HDAC4: variants seen among roughly 807,000 people sequenced by gnomAD.
The protein encoded by HDAC4 is histone deacetylase 4, also known as histone deacetylase A.
Under a neutral mutation model 135.1 loss-of-function variants are expected in HDAC4, and 16 were observed. The observed-to-expected ratio is 0.12, with a 90% confidence interval of 0.08 to 0.18. HDAC4 has a LOEUF of 0.18. Ranked by LOEUF, HDAC4 falls within the 10% of genes least tolerant of loss-of-function variation. HDAC4 has a pLI of 1.00. For synonymous variants in HDAC4, 685 were observed against 653.4 expected, an observed-to-expected ratio of 1.05 and a Z score of -0.74; for missense variants, 1,143 against 1,511.8, an observed-to-expected ratio of 0.76 and a Z score of 4.05.
At chr2:239,276,279 G>A (rs2050359000) in intron 2 of HDAC4, among the ~76,000 whole-genome samples, 1 of 152,232 alleles carries the variant, frequency 6.6e-6, no homozygotes, top group Non-Finnish European at 1.5e-5. Context: ...AGTATGCCTT[G>A]GAAGTGTTGA....
At chr2:239,066,957 G>A in intron 23 of HDAC4, 102 bp from the exon 24 acceptor site, 1 of 1,443,602 alleles carries the variant, frequency 6.9e-7, no homozygotes, top group Non-Finnish European at 9.5e-7. Flanking sequence ...TGGGGGCTGG[G>A]GTGTCGAGAC....
intron 1 of HDAC4, among the ~76,000 whole-genome samples, chr2:239,385,151 T>C (rs1235628614): frequency 6.6e-6 from 1 of 152,186 alleles, no homozygotes; most frequent in Non-Finnish European, 1.5e-5. Flanking sequence ...CGGAGGCCCA[T>C]AGCCCCTGAC....
chr2:239,137,037 G>GTTA (rs57798634), intron 9 of HDAC4, among the ~76,000 whole-genome samples: 17,838 of 152,112 alleles, frequency 0.12, 3,449 homozygotes, highest in African/African-American at 0.4. Context: ...AAATGCTTGT[G>GTTA]TTATCATTTG....
intron 1 of HDAC4, among the ~76,000 whole-genome samples, chr2:239,358,103 C>G (rs1693628386): frequency 6.6e-6 from 1 of 152,166 alleles, no homozygotes; most frequent in South Asian, 2.1e-4. Flanking sequence ...CTGAATCCAT[C>G]AGAGCAGCCG....
At chr2:239,328,673 G>A (rs1553608283) in intron 2 of HDAC4, among the ~76,000 whole-genome samples, 1 of 152,226 alleles carries the variant, frequency 6.6e-6, no homozygotes, top group East Asian at 1.9e-4. Context: ...CCCCCAGCGA[G>A]CACAGCACAC....
intron 2 of HDAC4, among the ~76,000 whole-genome samples, chr2:239,263,315 G>A (rs1440162031): frequency 9.7e-6 from 1 of 102,602 alleles, no homozygotes; most frequent in Non-Finnish European, 1.9e-5. Context: ...AGCCCACCCT[G>A]AGGACCCCCG....
intron 7 of HDAC4, among the ~76,000 whole-genome samples, chr2:239,145,912 G>A (rs1021537969): frequency 6.6e-5 from 10 of 152,192 alleles, no homozygotes; most frequent in Non-Finnish European, 1.5e-4. Flanking sequence ...AAAAGGCTTC[G>A]AGTCAGGGAC....
intron 11 of HDAC4, among the ~76,000 whole-genome samples, chr2:239,128,167 G>A (rs2040323912): frequency 6.6e-6 from 1 of 152,090 alleles, no homozygotes; most frequent in Non-Finnish European, 1.5e-5. Context: ...TCAATGCTTG[G>A]CTATTAAATT....
chr2:239,139,878 C>G lies in HDAC4; in HGVS notation c.866-82G>C. The G allele has an allele frequency of 8.8e-7, 1 of 1,132,642 alleles. No individual in the cohort carries two copies. Among genetic ancestry groups the G allele is most frequent in the Admixed American group, 1.7e-5 (1 of 57,654 alleles). 70.2% of individuals were successfully genotyped at this position (1,132,642 alleles called of 1,614,324 possible). ...TGACCTGTGGCCCGAATGCCCGGTG[C>G]CTTCCACGGACCTGCTCGTTAGCTT... On this transcript the variant is annotated intron_variant, in intron 8 of 26. Coordinates refer to ENST00000543185, the MANE Select transcript of HDAC4 (RefSeq NM_001378414.1). The surrounding 1 kb of genome is among the most constrained non-coding windows in gnomAD (Gnocchi z 5.3).
At chr2:239,394,861 C>T (rs1331123023) in intron 1 of HDAC4, among the ~76,000 whole-genome samples, 2 of 152,248 alleles carry the variant, frequency 1.3e-5, no homozygotes, top group African/African-American at 2.4e-5. Flanking sequence ...GCACAGGGTA[C>T]AGAGCAGGCA....
chr2:239,155,997 TGCC>T (rs1459268740), intron 7 of HDAC4, among the ~76,000 whole-genome samples: 1 of 152,200 alleles, frequency 6.6e-6, no homozygotes, highest in African/African-American at 2.4e-5. Context: ...CTAAAGCCAC[TGCC>T]GTGGCCCCTG....
chr2:239,386,741 C>T (rs745774299), intron 1 of HDAC4, among the ~76,000 whole-genome samples: 6 of 152,212 alleles, frequency 3.9e-5, no homozygotes, highest in African/African-American at 9.7e-5. Context: ...GACACAGTAC[C>T]GAGAACTTCT....
chr2:239,260,999 C>G (rs1351528103), intron 2 of HDAC4, among the ~76,000 whole-genome samples: 1 of 152,158 alleles, frequency 6.6e-6, no homozygotes, highest in Non-Finnish European at 1.5e-5. Flanking sequence ...GCTGGAGCGG[C>G]AGTCTCCGCT....
At chr2:239,157,250 G>T (rs776444498) in intron 6 of HDAC4, among the ~76,000 whole-genome samples, 4 of 152,244 alleles carry the variant, frequency 2.6e-5, no homozygotes. Context: ...TGATGTGTGG[G>T]ACTCTCTCTG....
At chr2:239,312,853 G>C (rs1347142464) in intron 2 of HDAC4, among the ~76,000 whole-genome samples, 1 of 152,214 alleles carries the variant, frequency 6.6e-6, no homozygotes, top group African/African-American at 2.4e-5. Flanking sequence ...ACTGTGGGTA[G>C]GCCACGTTCC....
chr2:239,192,871 G>A (rs761447087), intron 3 of HDAC4, among the ~76,000 whole-genome samples: 7 of 152,210 alleles, frequency 4.6e-5, no homozygotes, highest in Non-Finnish European at 8.8e-5. Flanking sequence ...TAATGTAGAA[G>A]AACAAAGTTG....
At chr2:239,195,173 T>C (rs911952033) in intron 3 of HDAC4, among the ~76,000 whole-genome samples, 8 of 152,190 alleles carry the variant, frequency 5.3e-5, no homozygotes, top group Non-Finnish European at 1.2e-4. Context: ...TTTTCACTCA[T>C]TGTGGGGAAG....
chr2:239,262,780 C>A lies in HDAC4; in HGVS notation c.23-26116G>T, dbSNP rs1190023580. On this transcript the variant is annotated intron_variant, in intron 2 of 26. Coordinates refer to ENST00000543185, the MANE Select transcript of HDAC4 (RefSeq NM_001378414.1). The surrounding 1 kb of genome is among the most constrained non-coding windows in gnomAD (Gnocchi z 4.1). Reference sequence around the variant, plus strand: ...CAGCCCAAGAACACAGACGAGGAGGCCTGTGCTCAGGCACTAAGGACACGG... The same window carrying A: ...CAGCCCAAGAACACAGACGAGGAGGACTGTGCTCAGGCACTAAGGACACGG... 6.6e-6 allele frequency among the ~76,000 whole-genome samples: 1 copy of A among 152,234 alleles called. No individual in the cohort carries two copies. The highest frequency in any genetic ancestry group is 2.4e-5 in the African/African-American group (1 of 41,460).
intron 1 of HDAC4, among the ~76,000 whole-genome samples, chr2:239,367,050 C>T (rs1417610028): frequency 2.2e-5 from 3 of 136,676 alleles, no homozygotes; most frequent in Admixed American, 2.0e-4. Context: ...TGACAAAAGA[C>T]CCTATCGGCC....
Sources: gnomAD v4.1 joint callset for allele counts (sites outside exome capture counted in the v4.1 genomes callset) on GRCh38, gnomAD v4.1.1 for gene constraint, Gnocchi (gnomAD v3.1) non-coding constraint, MANE v1.5 for transcripts, NCBI Gene and HGNC (gene_info 2026-07-23, HGNC 2026-07-21) for gene names.